The following GAD2 variants were observed in gnomAD, a reference collection of about 807,000 sequenced individuals.
GAD2 encodes the protein glutamate decarboxylase 2.
A neutral mutation model predicts 80.1 loss-of-function variants in GAD2; 22 were observed. The ratio of observed to expected loss-of-function variants is 0.27; its 90% CI spans 0.20 to 0.39. GAD2 has a LOEUF of 0.39. GAD2 is among the 10% of genes least tolerant of loss of function. GAD2 has a pLI of 1.00. For missense variants in GAD2, 624 were observed against 738.4 expected, an observed-to-expected ratio of 0.85 and a Z score of 1.80; for synonymous variants, 274 against 256.9, an observed-to-expected ratio of 1.07 and a Z score of -0.64.
intron 8 of GAD2, among the ~76,000 whole-genome samples, chr10:26,268,452 A>G (rs1845097281): frequency 7.0e-6 from 1 of 143,480 alleles, no homozygotes; most frequent in Admixed American, 7.1e-5. Flanking sequence ...TGGGCGACAG[A>G]GCCAGACTCT....
rs1428092933 is a variant in GAD2 at position 26,301,401 on chromosome 10, A to C, written c.*440A>C. On this transcript the variant is annotated 3_prime_UTR_variant, in exon 16 of 16. Transcript: ENST00000376261. ...TTGCCTTTTTCATAGTATTAGAAAA[A>C]AATTTCTAATTTACCTATAGCAACA... 1 of 152,452 alleles carries C rather than the reference A, an allele frequency of 6.6e-6. No homozygotes were observed. Among genetic ancestry groups the C allele is most frequent in the Admixed American group, 6.5e-5 (1 of 15,322 alleles). 9.4% of individuals were successfully genotyped at this position (152,452 alleles called of 1,614,324 possible). A position where few individuals can be genotyped will look rare whatever the true frequency, so the allele number is the denominator to read the frequency against.
In GAD2 at chr10:26,252,354, TC is replaced by T. The variant is rs200840544; in HGVS notation, c.920+6355del. ...CGAGGTACATTTTTTTTTCTTTTTT[TC>T]TTTTTGAGACAAGGTCTCACTCTGT... On this transcript the variant is annotated intron_variant, in intron 8 of 15. Coordinates refer to ENST00000376261, the MANE Select transcript of GAD2 (RefSeq NM_001134366.2). Among the ~76,000 whole-genome samples the T allele has an allele frequency of 5.6e-4, 85 of 151,166 alleles. 1 individual carries two copies. Among genetic ancestry groups the T allele is most frequent in the Non-Finnish European group, 6.2e-4 (42 of 67,698 alleles).
In GAD2 at chr10:26,217,483, C is replaced by T. The variant is rs536183090; in HGVS notation, c.77-127C>T. On this transcript the variant is annotated intron_variant, in intron 1 of 15. Coordinates refer to ENST00000376261, the MANE Select transcript of GAD2 (RefSeq NM_001134366.2). This position sits in a 1 kb window ranked among gnomAD's most constrained non-coding sequence, Gnocchi z 4.9. ...GCCGGCCTCACCGAGTCCTGAGCGG[C>T]CCCCAGGAGGAAGGCGGCCCCTCCT... 6.2e-6 allele frequency: 6 copies of T among 975,044 alleles called. No individual in the cohort carries two copies. The highest frequency in any genetic ancestry group is 2.0e-5 in the Admixed American group (1 of 49,396). 60.4% of individuals were successfully genotyped at this position (975,044 alleles called of 1,614,324 possible). A position where few individuals can be genotyped will look rare whatever the true frequency, so the allele number is the denominator to read the frequency against.
intron 8 of GAD2, among the ~76,000 whole-genome samples, chr10:26,267,755 C>T (rs1347446084): frequency 6.6e-6 from 1 of 151,644 alleles, no homozygotes; most frequent in African/African-American, 2.4e-5. Flanking sequence ...TTTTGTCACG[C>T]CTCCTTTATT....
intron 13 of GAD2, among the ~76,000 whole-genome samples, chr10:26,290,555 G>C (rs1433963466): frequency 6.6e-6 from 1 of 152,224 alleles, no homozygotes; most frequent in African/African-American, 2.4e-5. Flanking sequence ...CTATGTTCCA[G>C]GTGAAAAGTA....
chr10:26,300,398 G>A (rs1834316403), intron 15 of GAD2, among the ~76,000 whole-genome samples: 1 of 152,078 alleles, frequency 6.6e-6, no homozygotes, highest in Non-Finnish European at 1.5e-5. Context: ...TTACATTTTG[G>A]TAACAATCCT....
intron 7 of GAD2, among the ~76,000 whole-genome samples, chr10:26,245,498 C>T (rs903439628): frequency 4.6e-5 from 7 of 151,124 alleles, no homozygotes; most frequent in Non-Finnish European, 7.4e-5. Flanking sequence ...AGTGCAATGG[C>T]GCAATCTTGG....
chr10:26,224,208 G>A (rs560450653), intron 5 of GAD2, among the ~76,000 whole-genome samples: 5 of 152,010 alleles, frequency 3.3e-5, no homozygotes, highest in South Asian at 2.1e-4. Flanking sequence ...TTTTTCTCAC[G>A]TTTGATTTAT....
At chr10:26,275,936 T>C (rs1475831553) in intron 11 of GAD2, among the ~76,000 whole-genome samples, 1 of 152,132 alleles carries the variant, frequency 6.6e-6, no homozygotes, top group Non-Finnish European at 1.5e-5. Flanking sequence ...GGAAGGATCA[T>C]TGAGGCCAGT....
intron 13 of GAD2, among the ~76,000 whole-genome samples, chr10:26,290,169 A>T (rs1341273853): frequency 6.6e-6 from 1 of 152,236 alleles, no homozygotes; most frequent in Non-Finnish European, 1.5e-5. Context: ...TAAAATATTA[A>T]TTTATTTTAA....
Position 26,217,838 on chromosome 10 carries a change from C to T in GAD2, c.137-4C>T, listed in dbSNP as rs747187336. ...CGAGGCCCGCGTTCGGTGTCCTTACCCAGCCCTGCTCTACGGAGACGCCGA... is the reference window on the plus strand; with the variant it reads ...CGAGGCCCGCGTTCGGTGTCCTTACTCAGCCCTGCTCTACGGAGACGCCGA... On this transcript the variant is annotated splice_region_variant and splice_polypyrimidine_tract_variant and intron_variant, in intron 2 of 15. Coordinates refer to ENST00000376261, the MANE Select transcript of GAD2 (RefSeq NM_001134366.2). This position sits in a 1 kb window ranked among gnomAD's most constrained non-coding sequence, Gnocchi z 4.9. 1.2e-5 allele frequency: 19 copies of T among 1,601,868 alleles called. No homozygotes were observed. Among genetic ancestry groups the T allele is most frequent in the Non-Finnish European group, 1.5e-5 (18 of 1,174,196 alleles).
chr10:26,216,685 C>A (rs1362937589), upstream of GAD2: 5 of 605,290 alleles, frequency 8.3e-6, no homozygotes, highest in Non-Finnish European at 1.3e-5. This position sits in a 1 kb window ranked among gnomAD's most constrained non-coding sequence, Gnocchi z 4.7. Context: ...GCCGCTCGGC[C>A]CCGCCGGTCC....
At chr10:26,243,648 G>A (rs951909316) in intron 7 of GAD2, among the ~76,000 whole-genome samples, 2 of 152,196 alleles carry the variant, frequency 1.3e-5, no homozygotes, top group Non-Finnish European at 2.9e-5. Flanking sequence ...TTGGCAGTGT[G>A]GCCTGTTCTG....
At chr10:26,220,677 C>T (rs967745621) in intron 4 of GAD2, among the ~76,000 whole-genome samples, 6 of 152,102 alleles carry the variant, frequency 3.9e-5, no homozygotes, top group African/African-American at 1.2e-4. Context: ...ATTTTTTGAC[C>T]CATTCCCCAT....
intron 8 of GAD2, among the ~76,000 whole-genome samples, chr10:26,255,064 G>C (rs76544990): frequency 0.069 from 10,553 of 152,332 alleles, 456 homozygotes; most frequent in Non-Finnish European, 0.099. Flanking sequence ...TGGAGCTCAG[G>C]AGGTACACTA....
rs8190593 is a variant in GAD2 at position 26,217,001 on chromosome 10, G to C, written c.76+116G>C. On this transcript the variant is annotated intron_variant, in intron 1 of 15. Transcript: ENST00000376261. This position sits in a 1 kb window ranked among gnomAD's most constrained non-coding sequence, Gnocchi z 4.9. ...CCTGCAACAGGAAACTTCTTCGGGCGCTTCTCCCTGCTTTTGGGCTAAGTC... is the reference window on the plus strand; with the variant it reads ...CCTGCAACAGGAAACTTCTTCGGGCCCTTCTCCCTGCTTTTGGGCTAAGTC... The C allele has an allele frequency of 1.9e-3, 1,578 of 832,558 alleles. 20 individuals are homozygous for C. In the African/African-American group the frequency reaches 0.025, roughly 13 times the overall value. The allele number at this position is 832,558 out of a possible 1,614,324, so 51.6% of individuals were successfully genotyped here.
chr10:26,234,507 T>C (rs1273819942), intron 7 of GAD2, among the ~76,000 whole-genome samples: 1 of 152,198 alleles, frequency 6.6e-6, no homozygotes, highest in Admixed American at 6.5e-5. Context: ...TTTTTTGCAT[T>C]CAGTGTATTT....
intron 15 of GAD2, among the ~76,000 whole-genome samples, chr10:26,297,619 A>T (rs1834288482): frequency 6.6e-6 from 1 of 152,248 alleles, no homozygotes; most frequent in Non-Finnish European, 1.5e-5. Flanking sequence ...ACCAAAAAGT[A>T]CAAAAGCCTA....
At position 26,288,112 on chromosome 10, in the gene GAD2, A is replaced by G. The variant is rs933605828; in HGVS notation, c.1386+1618A>G. Among the ~76,000 whole-genome samples, 33 of 152,212 alleles carry G rather than the reference A, an allele frequency of 2.2e-4. 1 individual carries two copies. The highest frequency in any genetic ancestry group is 8.0e-4 in the African/African-American group (33 of 41,454). On this transcript the variant is annotated intron_variant, in intron 13 of 15. Transcript: ENST00000376261. ...TGATGGGATTCTTAACAAGAAAAAGAGGGAGTTTTCGAGTGAAGCAATGTG... is the reference window on the plus strand; with the variant it reads ...TGATGGGATTCTTAACAAGAAAAAGGGGGAGTTTTCGAGTGAAGCAATGTG...
Sources: gnomAD v4.1 joint callset for allele counts (sites outside exome capture counted in the v4.1 genomes callset) on GRCh38, gnomAD v4.1.1 for gene constraint, Gnocchi (gnomAD v3.1) non-coding constraint, MANE v1.5 for transcripts, NCBI Gene and HGNC (gene_info 2026-07-23, HGNC 2026-07-21) for gene names.